The following PLAGL1 variants were observed in gnomAD, a reference collection of about 807,000 sequenced individuals.
PLAGL1 encodes zinc finger protein PLAGL1.
PLAGL1 carries 1 observed loss-of-function variant against 4.6 expected under a neutral mutation model. The ratio of observed to expected loss-of-function variants is 0.22; its 90% CI spans 0.08 to 1.03. The LOEUF (loss-of-function observed/expected upper bound fraction) is 1.03. Ranked by LOEUF, PLAGL1 falls within the 50% of genes least tolerant of loss-of-function variation. PLAGL1 has a pLI of 0.58. For synonymous variants in PLAGL1, 240 were observed against 237.8 expected (o/e 1.01, Z -0.08); for missense variants, 464 against 570.4 (o/e 0.81, Z 1.90).
At chr6:143,967,519 T>C (rs1002855107) in intron 3 of PLAGL1, 4 of 152,194 alleles carry the variant, frequency 2.6e-5, no homozygotes, top group African/African-American at 9.7e-5. Flanking sequence ...CATTTTCTCA[T>C]ATATTTGAGA....
chr6:143,999,809 TTTAAA>T (rs1262264087), intron 1 of PLAGL1, among the ~76,000 whole-genome samples: 2 of 152,198 alleles, frequency 1.3e-5, no homozygotes, highest in African/African-American at 2.4e-5. Context: ...ATTATGATAA[TTTAAA>T]TTAAAATAAC....
intron 1 of PLAGL1, among the ~76,000 whole-genome samples, chr6:144,042,454 T>C (rs868476853): frequency 6.6e-6 from 1 of 152,246 alleles, no homozygotes; most frequent in African/African-American, 2.4e-5. Flanking sequence ...TTCTTGTTTT[T>C]GTCAGGTTTG....
At position 143,971,885 on chromosome 6, in the gene PLAGL1, C is replaced by A. The variant is rs1031762594; in HGVS notation, c.-543-2907G>T. Among the ~76,000 whole-genome samples, 1 of 152,164 alleles carries A rather than the reference C, an allele frequency of 6.6e-6. No individual in the cohort carries two copies. Among genetic ancestry groups the A allele is most frequent in the Non-Finnish European group, 1.5e-5 (1 of 68,030 alleles). On this transcript the variant is annotated intron_variant, in intron 2 of 7. Coordinates refer to ENST00000674357, the MANE Select transcript of PLAGL1 (RefSeq NM_001317162.2). The surrounding 1 kb of genome is among the most constrained non-coding windows in gnomAD (Gnocchi z 4.7). ...TTTTTCATCTCATTAATGGAAATAT[C>A]TAAACATTACGTTGTGGTTTATTTT...
rs989291399 is a variant in PLAGL1, at chr6:143,966,018, T to C, written c.-431+140A>G. ...AAGCTTAGTGAGTCAGTTAGGTCAG[T>C]GTAGAGAGATATTTCCGCATGCTAG... is the stretch of plus-strand genomic sequence containing the variant. On this transcript the variant is annotated intron_variant, in intron 4 of 7. Transcript: ENST00000674357. The surrounding 1 kb of genome is among the most constrained non-coding windows in gnomAD (Gnocchi z 6.0). 1.3e-5 allele frequency: 2 copies of C among 152,166 alleles called. No homozygotes were observed. Among genetic ancestry groups the C allele is most frequent in the Non-Finnish European group, 2.9e-5 (2 of 68,054 alleles). 9.4% of individuals were successfully genotyped at this position (152,166 alleles called of 1,614,324 possible).
rs1778888411 is a variant in PLAGL1 at position 143,942,623 on chromosome 6, C to T, written c.193G>A (p.Ala65Thr). 6.2e-7 allele frequency: 1 copy of T among 1,613,674 alleles called. No individual in the cohort carries two copies. Among genetic ancestry groups the T allele is most frequent in the Non-Finnish European group, 8.5e-7 (1 of 1,179,810 alleles). ...THSPQKSHQC[A>T]HCEKTFNRKD... ...CGGTTGAACGTCTTCTCACAGTGAGCACACTGGTGAGATTTCTGGGGAGAA... is the reference window on the plus strand; with the variant it reads ...CGGTTGAACGTCTTCTCACAGTGAGTACACTGGTGAGATTTCTGGGGAGAA... The change falls in exon 8 of 8, where the codon GCT becomes ACT. Residue 65 changes from alanine (A) to threonine (T), a missense_variant. Ala to Thr is a moderately conservative substitution (Grantham distance 58, BLOSUM62 0). Transcript: ENST00000674357. The surrounding 1 kb of genome is among the most constrained non-coding windows in gnomAD (Gnocchi z 7.6).
At chr6:143,977,264 T>C (rs1786798416) in intron 2 of PLAGL1, among the ~76,000 whole-genome samples, 1 of 152,138 alleles carries the variant, frequency 6.6e-6, no homozygotes, top group South Asian at 2.1e-4. Flanking sequence ...TTCTCCATCA[T>C]TATAACATCA....
chr6:144,048,850 A>T lies in PLAGL1; in HGVS notation c.-151+15618T>A, dbSNP rs78539766. 6.6e-6 allele frequency among the ~76,000 whole-genome samples: 1 copy of T among 152,254 alleles called. No individual in the cohort carries two copies. The highest frequency in any genetic ancestry group is 1.5e-5 in the Non-Finnish European group (1 of 68,042). ...GGCTTGAATTCCTCCTTAAGAAAATAGGTTTTTCTTTTCTACTACAAGGTC... is the reference window on the plus strand; with the variant it reads ...GGCTTGAATTCCTCCTTAAGAAAATTGGTTTTTCTTTTCTACTACAAGGTC... On this transcript the variant is annotated intron_variant, in intron 1 of 3. Coordinates refer to the PLAGL1 transcript ENST00000437412. The surrounding 1 kb of genome is among the most constrained non-coding windows in gnomAD (Gnocchi z 4.8).
At position 143,973,935 on chromosome 6, in the gene PLAGL1, G is replaced by T. The variant is rs1020439997; in HGVS notation, c.-543-4957C>A. On this transcript the variant is annotated intron_variant, in intron 2 of 7. Coordinates refer to ENST00000674357, the MANE Select transcript of PLAGL1 (RefSeq NM_001317162.2). This position sits in a 1 kb window ranked among gnomAD's most constrained non-coding sequence, Gnocchi z 6.2. ...AATTCTGTTTGTACAACAAAAGTGT[G>T]AACAGAGATATAACAGGTTTTTTTG... 1.3e-5 allele frequency among the ~76,000 whole-genome samples: 2 copies of T among 152,198 alleles called. No individual in the cohort carries two copies. Among genetic ancestry groups the T allele is most frequent in the African/African-American group, 4.8e-5 (2 of 41,446 alleles).
intron 1 of PLAGL1, among the ~76,000 whole-genome samples, chr6:144,019,428 C>T (rs1267039277): frequency 2.6e-5 from 4 of 151,924 alleles, no homozygotes; most frequent in African/African-American, 4.8e-5. Context: ...GCCGATATGG[C>T]GCCACTGCAC....
intron 1 of PLAGL1, chr6:144,037,016 C>G (rs1350663659): frequency 2.4e-5 from 4 of 164,196 alleles, no homozygotes; most frequent in African/African-American, 9.6e-5. Flanking sequence ...TTCCTTCGCA[C>G]AGTCTGCTTG....
chr6:143,986,598 C>A (rs1583446552), intron 1 of PLAGL1, among the ~76,000 whole-genome samples: 1 of 152,154 alleles, frequency 6.6e-6, no homozygotes, highest in Admixed American at 6.5e-5. Context: ...ATAGAGACAT[C>A]TAAAACTCCA....
At chr6:144,057,776 ATTTTT>A (rs60234022) in intron 1 of PLAGL1, among the ~76,000 whole-genome samples, 15 of 137,188 alleles carry the variant, frequency 1.1e-4, no homozygotes, top group African/African-American at 3.0e-4. Context: ...ACGCCTCACC[ATTTTT>A]TTTTTTTTTT....
chr6:143,981,613 A>G (rs1310478974), intron 2 of PLAGL1, among the ~76,000 whole-genome samples: 3 of 152,002 alleles, frequency 2.0e-5, no homozygotes, highest in Admixed American at 1.3e-4. Context: ...CACTTGTCCA[A>G]TGTCGGAATG....
In PLAGL1 at chr6:144,034,283, A is replaced by C. The variant is rs115922377; in HGVS notation, c.-151+30185T>G. ...CAAGGCCCAGGCTGACAACCCCCCA[A>C]CCACACCACACCCTCTGGACTGAAG... On this transcript the variant is annotated intron_variant, in intron 1 of 3. Coordinates refer to the PLAGL1 transcript ENST00000437412. This position sits in a 1 kb window ranked among gnomAD's most constrained non-coding sequence, Gnocchi z 4.7. Among the ~76,000 whole-genome samples, 3,659 of 152,072 alleles carry C rather than the reference A, an allele frequency of 0.024. 161 individuals are homozygous for C. The highest frequency in any genetic ancestry group is 0.085 in the African/African-American group (3,504 of 41,434).
rs547980653 is a variant in PLAGL1 at position 144,016,685 on chromosome 6, T to C, written c.-150-47707A>G. 5.8e-4 allele frequency among the ~76,000 whole-genome samples: 88 copies of C among 152,352 alleles called. No homozygotes were observed. Among genetic ancestry groups the C allele is most frequent in the Non-Finnish European group, 9.0e-4 (61 of 68,038 alleles). The stretch of plus-strand genomic sequence containing the variant: ...CCTCTTGGTTAGTAAGAAGATTGCA[T>C]TGGGGCTATGTATTTGTCATACTGC... On this transcript the variant is annotated intron_variant, in intron 1 of 3. Coordinates refer to the PLAGL1 transcript ENST00000437412. The surrounding 1 kb of genome is among the most constrained non-coding windows in gnomAD (Gnocchi z 4.2).
In PLAGL1 at chr6:143,982,215, A is replaced by G. The variant is rs913776683; in HGVS notation, c.-544+2920T>C. ...AGTGCTAAGAGATTTAGCAGTGAAAACAGTGTCAATTTAAAACAGGCTGGT... is the reference window on the plus strand; with the variant it reads ...AGTGCTAAGAGATTTAGCAGTGAAAGCAGTGTCAATTTAAAACAGGCTGGT... On this transcript the variant is annotated intron_variant, in intron 2 of 7. Transcript: ENST00000674357. The surrounding 1 kb of genome is among the most constrained non-coding windows in gnomAD (Gnocchi z 5.3). 2.0e-5 allele frequency among the ~76,000 whole-genome samples: 3 copies of G among 152,178 alleles called. No individual in the cohort carries two copies. The highest frequency in any genetic ancestry group is 4.4e-5 in the Non-Finnish European group (3 of 68,030).
In PLAGL1 at chr6:143,966,636, C is replaced by T. The variant is rs542399593; in HGVS notation, c.-471-438G>A. ...CCACCTCTAATTCCTACTGCTGGAA[C>T]AAAAAGGGAAAAATTACCTTGGTAA... On this transcript the variant is annotated intron_variant, in intron 3 of 7. Coordinates refer to ENST00000674357, the MANE Select transcript of PLAGL1 (RefSeq NM_001317162.2). The surrounding 1 kb of genome is among the most constrained non-coding windows in gnomAD (Gnocchi z 6.0). The T allele has an allele frequency of 1.3e-5, 2 of 152,154 alleles. No homozygotes were observed. Among genetic ancestry groups the T allele is most frequent in the Admixed American group, 1.3e-4 (2 of 15,288 alleles). 9.4% of individuals were successfully genotyped at this position (152,154 alleles called of 1,614,324 possible).
chr6:144,001,349 T>C (rs1792839532), intron 1 of PLAGL1, among the ~76,000 whole-genome samples: 1 of 151,892 alleles, frequency 6.6e-6, no homozygotes, highest in Non-Finnish European at 1.5e-5. Flanking sequence ...AATAACTGAC[T>C]CAATAATAAA....
chr6:144,014,802 A>G (rs975499592), intron 1 of PLAGL1, among the ~76,000 whole-genome samples: 2 of 151,944 alleles, frequency 1.3e-5, no homozygotes, highest in Non-Finnish European at 2.9e-5. Flanking sequence ...CTGGTCTCAA[A>G]CTCCTAGACT....
Sources: gnomAD v4.1 joint callset for allele counts (sites outside exome capture counted in the v4.1 genomes callset) on GRCh38, gnomAD v4.1.1 for gene constraint, Gnocchi (gnomAD v3.1) non-coding constraint, MANE v1.5 for transcripts, NCBI Gene and HGNC (gene_info 2026-07-23, HGNC 2026-07-21) for gene names.